The following GNAL variants were observed in gnomAD, a reference collection of about 807,000 sequenced individuals.
The protein encoded by GNAL is guanine nucleotide-binding protein G(olf) subunit alpha.
Under a neutral mutation model 55.1 loss-of-function variants are expected in GNAL, and 18 were observed. The observed-to-expected ratio is 0.33, with a 90% CI of 0.23 to 0.48. The LOEUF is 0.48. Ranked by LOEUF, GNAL falls within the 20% of genes least tolerant of loss-of-function variation. GNAL has a pLI of 0.99. For synonymous variants in GNAL, 253 were observed against 237.0 expected (o/e 1.07, Z -0.62); for missense variants, 412 against 614.1 (o/e 0.67, Z 3.48).
At position 11,700,615 on chromosome 18, in the gene GNAL, C is replaced by T. The variant is rs117733201; in HGVS notation, c.376+10676C>T. 5.0e-3 allele frequency among the ~76,000 whole-genome samples: 755 copies of T among 152,332 alleles called. 38 individuals carry two copies. In the East Asian group the frequency reaches 0.11, roughly 23 times the overall value. ...CCCTTCCTGCTGTTATTTCATTTGCCGATCTGGGAAAATGTTATTTAGTGA... is the reference window on the plus strand; with the variant it reads ...CCCTTCCTGCTGTTATTTCATTTGCTGATCTGGGAAAATGTTATTTAGTGA... On this transcript the variant is annotated intron_variant, in intron 1 of 11. Coordinates refer to ENST00000334049, the MANE Select transcript of GNAL (RefSeq NM_182978.4).
chr18:11,758,043 T>C (rs1426182954), intron 4 of GNAL, among the ~76,000 whole-genome samples: 1 of 151,960 alleles, frequency 6.6e-6, no homozygotes, highest in Admixed American at 6.6e-5. Context: ...AGATGAAAGA[T>C]ACAAAACCCT....
chr18:11,884,208 A>C lies in GNAL; in HGVS notation c.*3073A>C. ...CTGTACAGATGCAACCTTTGATGAT[A>C]CATATATTTGATAAAAATGAGAAAA... On this transcript the variant is annotated 3_prime_UTR_variant, in exon 12 of 12. Coordinates refer to ENST00000334049, the MANE Select transcript of GNAL (RefSeq NM_182978.4). 1 of 499,764 alleles carries C rather than the reference A, an allele frequency of 2.0e-6. No homozygotes were observed. The highest frequency in any genetic ancestry group is 3.6e-6 in the Non-Finnish European group (1 of 275,928). The allele number at this position is 499,764 out of a possible 1,614,324, so 31.0% of individuals were successfully genotyped here.
rs1303399407 is a variant in GNAL at position 11,689,723 on chromosome 18, C to T, written c.160C>T (p.Pro54Ser). Residue 54 changes from proline (P) to serine (S), a missense_variant, in exon 1 of 12, where the codon CCT (proline) becomes TCT (serine). By Grantham distance (74) the Pro-to-Ser change is moderately conservative (BLOSUM62 -1). Coordinates refer to ENST00000334049, the MANE Select transcript of GNAL (RefSeq NM_182978.4). ...AAGGGACACGGCCCGGACCCTGCTC[C>T]CTCGGGGCGGCGAAGGGAGCCCGGC... ...AARDTARTLL[P>S]RGGEGSPACA... The T allele has an allele frequency of 2.0e-6, 3 of 1,498,308 alleles. No individual in the cohort carries two copies. Among genetic ancestry groups the T allele is most frequent in the South Asian group, 1.2e-5 (1 of 80,404 alleles). The allele number at this position is 1,498,308 out of a possible 1,614,324, so 92.8% of individuals were successfully genotyped here. A position where few individuals can be genotyped will look rare whatever the true frequency, so the allele number is the denominator to read the frequency against.
At chr18:11,860,682 C>T (rs1377504893) in intron 5 of GNAL, among the ~76,000 whole-genome samples, 1 of 152,136 alleles carries the variant, frequency 6.6e-6, no homozygotes, top group East Asian at 1.9e-4. Context: ...GTTCAAGTTT[C>T]TAGGGGCAGT....
chr18:11,884,394 T>C lies in GNAL; in HGVS notation c.*3259T>C. The C allele has an allele frequency of 6.4e-7, 1 of 1,569,574 alleles. No individual in the cohort carries two copies. The highest frequency in any genetic ancestry group is 1.7e-5 in the Admixed American group (1 of 58,834). ...ATCCACTTGATTCTAACATGATCTC[T>C]GCCCAAAGTTCCATTTCTTGGGCTT... On this transcript the variant is annotated 3_prime_UTR_variant, in exon 12 of 12. Coordinates refer to ENST00000334049, the MANE Select transcript of GNAL (RefSeq NM_182978.4).
intron 4 of GNAL, among the ~76,000 whole-genome samples, chr18:11,802,361 G>A (rs1310878511): frequency 6.6e-6 from 1 of 152,140 alleles, no homozygotes; most frequent in Non-Finnish European, 1.5e-5. Flanking sequence ...CTGTCCACCA[G>A]TGCTTGCTCC....
At chr18:11,795,929 C>T (rs1364222977) in intron 4 of GNAL, among the ~76,000 whole-genome samples, 11 of 152,172 alleles carry the variant, frequency 7.2e-5, no homozygotes, top group Admixed American at 3.3e-4. Flanking sequence ...CTCACCAGCT[C>T]CAGGTGATTG....
At chr18:11,816,399 C>T (rs1183998096) in intron 4 of GNAL, among the ~76,000 whole-genome samples, 1 of 151,930 alleles carries the variant, frequency 6.6e-6, no homozygotes, top group African/African-American at 2.4e-5. Context: ...CGGGTTCAAG[C>T]GATTCTCCTG....
intron 4 of GNAL, among the ~76,000 whole-genome samples, chr18:11,766,744 T>C (rs1243637554): frequency 6.6e-6 from 1 of 152,226 alleles, no homozygotes; most frequent in Non-Finnish European, 1.5e-5. Context: ...GCCGGAGTAC[T>C]TAATTGCAAA....
At position 11,881,793 on chromosome 18, in the gene GNAL, CAT is replaced by C. The variant is rs2036700291; in HGVS notation, c.*660_*661del. ...TCTCTAAACTTTCCCTATACTTAGG[CAT>C]AGTCTTCTTTCTTAGATTCTCTTTG... On this transcript the variant is annotated 3_prime_UTR_variant, in exon 12 of 12. Coordinates refer to ENST00000334049, the MANE Select transcript of GNAL (RefSeq NM_182978.4). This position sits in a 1 kb window ranked among gnomAD's most constrained non-coding sequence, Gnocchi z 4.8. 1.3e-5 allele frequency: 2 copies of C among 152,566 alleles called. No homozygotes were observed. Among genetic ancestry groups the C allele is most frequent in the Non-Finnish European group, 2.9e-5 (2 of 68,060 alleles). 9.5% of individuals were successfully genotyped at this position (152,566 alleles called of 1,614,324 possible). A position where few individuals can be genotyped will look rare whatever the true frequency, so the allele number is the denominator to read the frequency against.
chr18:11,807,911 T>A (rs996608689), intron 4 of GNAL, among the ~76,000 whole-genome samples: 3 of 151,760 alleles, frequency 2.0e-5, no homozygotes, highest in Admixed American at 1.3e-4. Context: ...CCCTGTCAGG[T>A]GCTAATGATG....
At chr18:11,754,503 A>G (rs1222289978) in intron 4 of GNAL, among the ~76,000 whole-genome samples, 4 of 152,136 alleles carry the variant, frequency 2.6e-5, no homozygotes, top group African/African-American at 9.7e-5. Flanking sequence ...GGAAGGCAGC[A>G]TACCTTTAAG....
chr18:11,747,470 A>T (rs1255301615), intron 1 of GNAL: 2 of 162,596 alleles, frequency 1.2e-5, no homozygotes, highest in Non-Finnish European at 2.6e-5. Context: ...GCCACTACCC[A>T]GGCAGGGTGC....
chr18:11,877,326 G>A (rs1314483428), intron 11 of GNAL, among the ~76,000 whole-genome samples: 2 of 152,082 alleles, frequency 1.3e-5, no homozygotes, highest in African/African-American at 4.8e-5. Flanking sequence ...GTGGTGGCAT[G>A]CGCCTGTAAT....
intron 5 of GNAL, among the ~76,000 whole-genome samples, chr18:11,847,660 G>C (rs2035769429): frequency 6.6e-6 from 1 of 151,810 alleles, no homozygotes; most frequent in African/African-American, 2.4e-5. Flanking sequence ...AAGAAAATTT[G>C]GCTATGGGAC....
chr18:11,834,350 T>C (rs1176855292), intron 5 of GNAL, among the ~76,000 whole-genome samples: 8 of 152,158 alleles, frequency 5.3e-5, no homozygotes, highest in Admixed American at 5.2e-4. Context: ...ATGGGGTCTT[T>C]TGTTAAGGTT....
intron 1 of GNAL, among the ~76,000 whole-genome samples, chr18:11,733,138 G>A (rs914251256): frequency 6.6e-6 from 1 of 152,238 alleles, no homozygotes; most frequent in African/African-American, 2.4e-5. Context: ...CGGCCGCCTG[G>A]TGGCGCTGTG....
At chr18:11,765,258 G>A (rs1358071299) in intron 4 of GNAL, among the ~76,000 whole-genome samples, 2 of 152,020 alleles carry the variant, frequency 1.3e-5, no homozygotes, top group Admixed American at 6.6e-5. Flanking sequence ...AGTAATTAAG[G>A]CAACTTTTTT....
At chr18:11,735,443 A>G (rs1169587578) in intron 1 of GNAL, among the ~76,000 whole-genome samples, 1 of 152,176 alleles carries the variant, frequency 6.6e-6, no homozygotes, top group African/African-American at 2.4e-5. Context: ...AGAGTAGCTC[A>G]CTGGTCTCTT....
Sources: gnomAD v4.1 joint callset for allele counts (sites outside exome capture counted in the v4.1 genomes callset) on GRCh38, gnomAD v4.1.1 for gene constraint, Gnocchi (gnomAD v3.1) non-coding constraint, MANE v1.5 for transcripts, NCBI Gene and HGNC (gene_info 2026-07-23, HGNC 2026-07-21) for gene names.